The following IQCH variants were observed in gnomAD, a reference collection of about 807,000 sequenced individuals.
The protein encoded by IQCH is IQ motif containing H.
A neutral mutation model predicts 117.0 loss-of-function variants in IQCH; 98 were observed. The observed-to-expected ratio is 0.84, with a 90% CI of 0.71 to 0.99. IQCH has a LOEUF of 0.99. Among genes scored for constraint, IQCH ranks in the 50% least tolerant of loss-of-function variants. The pLI is 0.00. For synonymous variants in IQCH, 412 were observed against 448.2 expected (o/e 0.92, Z 1.02); for missense variants, 1,102 against 1,243.8 (o/e 0.89, Z 1.72).
chr15:67,357,461 T>C (rs1376536988), intron 7 of IQCH, 40 bp downstream of exon 7: 2 of 1,222,244 alleles, frequency 1.6e-6, no homozygotes, highest in Non-Finnish European at 2.4e-6. Context: ...ATTATTCTTA[T>C]TTACAGCACT....
intron 8 of IQCH, among the ~76,000 whole-genome samples, chr15:67,363,947 A>T (rs368778173): frequency 1.2e-4 from 19 of 152,282 alleles, no homozygotes; most frequent in African/African-American, 4.6e-4. Context: ...GTCTTTATCC[A>T]GTCTACTATT....
At chr15:67,418,546 C>CACACACACACAT (rs1293555722) in intron 15 of IQCH, among the ~76,000 whole-genome samples, 1 of 149,942 alleles carries the variant, frequency 6.7e-6, no homozygotes, top group Non-Finnish European at 1.5e-5. Context: ...CACACACACA[C>CACACACACACAT]ACACACAAGA....
At chr15:67,439,459 A>G (rs538415998) in intron 16 of IQCH, among the ~76,000 whole-genome samples, 1 of 152,324 alleles carries the variant, frequency 6.6e-6, no homozygotes, top group South Asian at 2.1e-4. Context: ...CAAGACTGCA[A>G]GAGCACAAAC....
At position 67,369,259 on chromosome 15, in the gene IQCH, G is replaced by A. The variant is rs1212126674; in HGVS notation, c.754-2852G>A. ...AGAACATTTCCCAGCTAATTAGTTA[G>A]AGCAAGATGCTAATAATTAGGCCAC... On this transcript the variant is annotated intron_variant, in intron 8 of 20. Coordinates refer to ENST00000335894, the MANE Select transcript of IQCH (RefSeq NM_001031715.3). This position sits in a 1 kb window ranked among gnomAD's most constrained non-coding sequence, Gnocchi z 5.2. Among the ~76,000 whole-genome samples the A allele has an allele frequency of 6.6e-6, 1 of 152,154 alleles. No individual in the cohort carries two copies. The highest frequency in any genetic ancestry group is 1.9e-4 in the East Asian group (1 of 5,194).
chr15:67,497,376 A>G lies in IQCH; in HGVS notation c.2970+3010A>G, dbSNP rs190350814. 3.3e-5 allele frequency among the ~76,000 whole-genome samples: 5 copies of G among 152,320 alleles called. No individual in the cohort carries two copies. In the East Asian group the frequency reaches 9.6e-4, roughly 29 times the overall value. The stretch of plus-strand genomic sequence containing the variant: ...TCCTAAAGAACCCATCAACAAGTTT[A>G]TAAGACATAAAATCAGTATACAAAA... On this transcript the variant is annotated intron_variant, in intron 20 of 20. Coordinates refer to ENST00000335894, the MANE Select transcript of IQCH (RefSeq NM_001031715.3).
At chr15:67,492,678 G>C (rs1055251328) in intron 19 of IQCH, among the ~76,000 whole-genome samples, 2 of 152,200 alleles carry the variant, frequency 1.3e-5, no homozygotes, top group Middle Eastern at 3.2e-3. Context: ...AGCAGAGGCT[G>C]ACACTCAGGA....
At chr15:67,348,701 C>T (rs908185882) in intron 6 of IQCH, among the ~76,000 whole-genome samples, 1 of 152,144 alleles carries the variant, frequency 6.6e-6, no homozygotes, top group African/African-American at 2.4e-5. Flanking sequence ...CCAAATTGAT[C>T]TATAAATTCA....
intron 14 of IQCH, among the ~76,000 whole-genome samples, chr15:67,400,587 G>C (rs752143311): frequency 1.3e-5 from 2 of 148,952 alleles, no homozygotes; most frequent in Non-Finnish European, 3.0e-5. Context: ...CTGGCTCAAG[G>C]GATCCTTCCA....
rs1969222543 is a variant in IQCH at position 67,342,636 on chromosome 15, G to C, written c.509-1427G>C. Reference sequence around the variant, plus strand: ...ATTTATAGGTGGAAAATATTTGTGAGGACAAAGAATTAGTCTTACAAGATT... The same window carrying C: ...ATTTATAGGTGGAAAATATTTGTGACGACAAAGAATTAGTCTTACAAGATT... On this transcript the variant is annotated intron_variant, in intron 5 of 20. Transcript: ENST00000335894. This position sits in a 1 kb window ranked among gnomAD's most constrained non-coding sequence, Gnocchi z 4.7. 6.6e-6 allele frequency among the ~76,000 whole-genome samples: 1 copy of C among 152,014 alleles called. No individual in the cohort carries two copies. Among genetic ancestry groups the C allele is most frequent in the Admixed American group, 6.6e-5 (1 of 15,260 alleles).
chr15:67,267,533 C>G (rs1034812769), intron 3 of IQCH, among the ~76,000 whole-genome samples: 1 of 152,176 alleles, frequency 6.6e-6, no homozygotes, highest in Non-Finnish European at 1.5e-5. Context: ...TTGCTATGAA[C>G]GATTGGAGTG....
chr15:67,500,318 T>A lies in IQCH; in HGVS notation c.2971-315T>A, dbSNP rs911765057. On this transcript the variant is annotated intron_variant, in intron 20 of 20. Transcript: ENST00000335894. This position sits in a 1 kb window ranked among gnomAD's most constrained non-coding sequence, Gnocchi z 4.4. ...TCTGACTATCATGGATCAACATTTTTAACAAAATAGAAGAAAATTTAATTA... is the reference window on the plus strand; with the variant it reads ...TCTGACTATCATGGATCAACATTTTAAACAAAATAGAAGAAAATTTAATTA... 1.2e-4 allele frequency among the ~76,000 whole-genome samples: 18 copies of A among 152,118 alleles called. No individual in the cohort carries two copies. Among genetic ancestry groups the A allele is most frequent in the African/African-American group, 3.4e-4 (14 of 41,428 alleles).
chr15:67,380,836 CTA>C (rs925890702), intron 10 of IQCH, among the ~76,000 whole-genome samples: 28 of 152,160 alleles, frequency 1.8e-4, no homozygotes, highest in African/African-American at 6.3e-4. Flanking sequence ...AGGTTGAGAA[CTA>C]TTCCTCCAGA....
chr15:67,260,911 C>T (rs977269806), intron 1 of IQCH, among the ~76,000 whole-genome samples: 1 of 151,996 alleles, frequency 6.6e-6, no homozygotes, highest in Non-Finnish European at 1.5e-5. Context: ...GCCTGACCAA[C>T]ATGGTGAAAG....
In IQCH at chr15:67,500,263, A is replaced by G. The variant is rs2083943172; in HGVS notation, c.2971-370A>G. ...CAATGCTTCTCAAATTATCCATAATAAGGAAACTATTTGTTTTGTTTTGAT... is the reference window on the plus strand; with the variant it reads ...CAATGCTTCTCAAATTATCCATAATGAGGAAACTATTTGTTTTGTTTTGAT... On this transcript the variant is annotated intron_variant, in intron 20 of 20. Transcript: ENST00000335894. This position sits in a 1 kb window ranked among gnomAD's most constrained non-coding sequence, Gnocchi z 4.4. 6.6e-6 allele frequency among the ~76,000 whole-genome samples: 1 copy of G among 152,192 alleles called. No homozygotes were observed. Among genetic ancestry groups the G allele is most frequent in the African/African-American group, 2.4e-5 (1 of 41,452 alleles).
Position 67,440,200 on chromosome 15 carries a change from C to G in IQCH, c.2505+18623C>G, listed in dbSNP as rs577184740. Reference sequence around the variant, plus strand: ...TTAGATACCCTGAACAGAACTATAACAAGCAAAGAGATTGAAGTGGTAATT... The same window carrying G: ...TTAGATACCCTGAACAGAACTATAAGAAGCAAAGAGATTGAAGTGGTAATT... On this transcript the variant is annotated intron_variant, in intron 16 of 20. Coordinates refer to ENST00000335894, the MANE Select transcript of IQCH (RefSeq NM_001031715.3). Among the ~76,000 whole-genome samples the G allele has an allele frequency of 9.9e-5, 15 of 152,260 alleles. No homozygotes were observed. The East Asian group carries it at 2.9e-3, about 29-fold the overall frequency.
rs1163387662 is a variant in IQCH, at chr15:67,342,350, A to G, written c.509-1713A>G. 1.3e-5 allele frequency among the ~76,000 whole-genome samples: 2 copies of G among 152,178 alleles called. No homozygotes were observed. The highest frequency in any genetic ancestry group is 4.8e-5 in the African/African-American group (2 of 41,452). On this transcript the variant is annotated intron_variant, in intron 5 of 20. Coordinates refer to ENST00000335894, the MANE Select transcript of IQCH (RefSeq NM_001031715.3). The surrounding 1 kb of genome is among the most constrained non-coding windows in gnomAD (Gnocchi z 4.7). ...AATCTTCAGAGATTCCAGCATTTCA[A>G]TGAAAAGATACTCAGTAATCTCTTC...
intron 16 of IQCH, among the ~76,000 whole-genome samples, chr15:67,442,186 A>G (rs2082285164): frequency 6.6e-6 from 1 of 151,828 alleles, no homozygotes; most frequent in African/African-American, 2.4e-5. Flanking sequence ...CAAGGTGGTC[A>G]GGTCACCTGA....
At chr15:67,470,253 T>C (rs12900368) in intron 17 of IQCH, among the ~76,000 whole-genome samples, 132,585 of 152,264 alleles carry the variant, frequency 0.87, 57,802 homozygotes, top group African/African-American at 0.91. Flanking sequence ...TCACTGCAAG[T>C]TCCGCCTCAC....
intron 14 of IQCH, among the ~76,000 whole-genome samples, chr15:67,414,111 T>TGGTTCTTTAGCACACTTTCTAAA (rs2081516442): frequency 6.6e-6 from 1 of 152,198 alleles, no homozygotes; most frequent in Non-Finnish European, 1.5e-5. Context: ...GAAGAATTTG[T>TGGTTCTTTAGCACACTTTCTAAA]GGTTCTTTAG....
Sources: gnomAD v4.1 joint callset for allele counts (sites outside exome capture counted in the v4.1 genomes callset) on GRCh38, gnomAD v4.1.1 for gene constraint, Gnocchi (gnomAD v3.1) non-coding constraint, MANE v1.5 for transcripts, NCBI Gene and HGNC (gene_info 2026-07-23, HGNC 2026-07-21) for gene names.